Variants in POLQ observed in about 807,000 individuals in gnomAD.
The protein encoded by POLQ is DNA polymerase theta, also known as epididymis secretory sperm binding protein.
A neutral mutation model predicts 259.2 loss-of-function variants in POLQ; 233 were observed. The observed-to-expected ratio is 0.90, with a 90% confidence interval of 0.81 to 1.00. The LOEUF (loss-of-function observed/expected upper bound fraction) is 1.00, where lower values mean the gene tolerates loss of function less well. POLQ is among the 50% of genes least tolerant of loss of function. POLQ has a pLI of 0.00. For synonymous variants in POLQ, 1,025 were observed against 1,048.8 expected (o/e 0.98, Z 0.44); for missense variants, 2,871 against 3,051.6 (o/e 0.94, Z 1.39).
chr3:121,494,959 TTTTC>T, intron 14 of POLQ: 1 of 816,638 alleles, frequency 1.2e-6, no homozygotes, highest in Non-Finnish European at 1.8e-6. Context: ...ATAATACAAA[TTTTC>T]AAAAAAAAAA....
At chr3:121,507,136 G>A (rs2048214526) in intron 12 of POLQ, among the ~76,000 whole-genome samples, 1 of 152,150 alleles carries the variant, frequency 6.6e-6, no homozygotes, top group Admixed American at 6.5e-5. Flanking sequence ...GAAAAGGCAT[G>A]GAAGGGATGG....
chr3:121,495,203 G>A (rs1192735427), intron 14 of POLQ, among the ~76,000 whole-genome samples: 3 of 151,988 alleles, frequency 2.0e-5, no homozygotes, highest in Non-Finnish European at 4.4e-5. Flanking sequence ...CTTGGGAGGC[G>A]GGGGTTGTGG....
chr3:121,526,891 G>GTGCA (rs59179982), intron 7 of POLQ, among the ~76,000 whole-genome samples: 5 of 118,302 alleles, frequency 4.2e-5, no homozygotes, highest in Non-Finnish European at 6.0e-5. Context: ...GTGTGTGTGT[G>GTGCA]CGCGCGCGCA....
rs34676502 is a variant in POLQ, at chr3:121,518,759, GT to G, written c.1468+1111del. Among the ~76,000 whole-genome samples the G allele has an allele frequency of 7.3e-4, 109 of 150,162 alleles. 1 individual carries two copies. The highest frequency in any genetic ancestry group is 2.4e-3 in the African/African-American group (97 of 40,946). ...AGCCACAGAACTGTTTGCCTGTTTT[GT>G]TTTTTTTTGACATATCTAATAAAAT... On this transcript the variant is annotated intron_variant, in intron 9 of 29. Coordinates refer to ENST00000264233, the MANE Select transcript of POLQ (RefSeq NM_199420.4).
chr3:121,522,547 A>G (rs1020083259), intron 7 of POLQ, among the ~76,000 whole-genome samples: 1 of 149,968 alleles, frequency 6.7e-6, no homozygotes, highest in African/African-American at 2.5e-5. Flanking sequence ...TCCTGACCTC[A>G]TGATCCACCC....
Position 121,472,078 on chromosome 3 carries a change from C to A in POLQ, c.6630G>T (p.Val2210=). 6.3e-7 allele frequency: 1 copy of A among 1,579,442 alleles called. No individual in the cohort carries two copies. The highest frequency in any genetic ancestry group is 8.7e-7 in the Non-Finnish European group (1 of 1,152,558). The change falls in exon 22 of 30, where the codon GTG becomes GTT. Residue 2210 remains valine, a synonymous_variant. Coordinates refer to ENST00000264233, the MANE Select transcript of POLQ (RefSeq NM_199420.4). ...ACTTTTCCCGCTGAAGGGGAAAGACCACTTTGGTAATAGCATTAGTGATTC... is the reference window on the plus strand; with the variant it reads ...ACTTTTCCCGCTGAAGGGGAAAGACAACTTTGGTAATAGCATTAGTGATTC... ...WRRITNAITK[V]VFPLQREKCL...
intron 19 of POLQ, among the ~76,000 whole-genome samples, chr3:121,478,884 T>C (rs1222904597): frequency 6.6e-6 from 1 of 152,154 alleles, no homozygotes; most frequent in Non-Finnish European, 1.5e-5. Flanking sequence ...TTAAAATTGA[T>C]TGAATTACAG....
chr3:121,456,686 G>A (rs2047741714), intron 25 of POLQ, among the ~76,000 whole-genome samples: 1 of 151,656 alleles, frequency 6.6e-6, no homozygotes, highest in Non-Finnish European at 1.5e-5. Flanking sequence ...GGGATGTGAA[G>A]GACCTCTTCA....
At chr3:121,511,830 C>T (rs2048257790) in intron 10 of POLQ, 57 bp downstream of exon 10, 4 of 1,302,784 alleles carry the variant, frequency 3.1e-6, no homozygotes, top group Non-Finnish European at 3.2e-6. Context: ...CATATACTAA[C>T]ATTTTACTAA....
chr3:121,505,463 C>T (rs989552852), intron 12 of POLQ, among the ~76,000 whole-genome samples: 1 of 152,106 alleles, frequency 6.6e-6, no homozygotes, highest in Non-Finnish European at 1.5e-5. Flanking sequence ...AAAACAGAGG[C>T]ACTGGCACAA....
At chr3:121,454,826 G>A (rs1056827232) in intron 25 of POLQ, among the ~76,000 whole-genome samples, 1 of 152,064 alleles carries the variant, frequency 6.6e-6, no homozygotes, top group African/African-American at 2.4e-5. Context: ...AGATCAACGA[G>A]ACAGAAAGTT....
chr3:121,467,030 T>A (rs2108787418), intron 24 of POLQ, among the ~76,000 whole-genome samples: 1 of 151,678 alleles, frequency 6.6e-6, no homozygotes, highest in South Asian at 2.1e-4. Flanking sequence ...TGAGGAGGGG[T>A]CAGGCAGAAT....
chr3:121,493,358 A>G, intron 15 of POLQ, 120 bp downstream of exon 15: 1 of 744,182 alleles, frequency 1.3e-6, no homozygotes, highest in Non-Finnish European at 2.0e-6. Flanking sequence ...TCTTCCACTT[A>G]CACCAAGTAT....
Position 121,522,143 on chromosome 3 carries a change from A to T in POLQ, c.1115T>A (p.Val372Glu). The change falls in exon 8 of 30, where the codon GTG becomes GAG. Residue 372 changes from valine (V) to glutamate (E), a missense_variant. Val to Glu is a moderately radical substitution (Grantham distance 121, BLOSUM62 -2). This residue lies in a region of POLQ where 783 missense variants were observed against 906.2 expected (regional missense o/e 0.86). Coordinates refer to ENST00000264233, the MANE Select transcript of POLQ (RefSeq NM_199420.4). ...TACTGGTGGGCATTCAGAGGGTTTC[A>T]CCAATCCTGTCACAAAAAAATTATC... ...YNLHHQAEGL[V>E]KPSECPPVIL... is the part of the protein sequence containing the mutation. 6.3e-7 allele frequency: 1 copy of T among 1,595,490 alleles called. No individual in the cohort carries two copies.
In POLQ at chr3:121,510,097, C is replaced by G; in HGVS notation, c.1758G>C (p.Val586=). 1 of 1,614,114 alleles carries G rather than the reference C, an allele frequency of 6.2e-7. No individual in the cohort carries two copies. Among genetic ancestry groups the G allele is most frequent in the African/African-American group, 1.3e-5 (1 of 75,044 alleles). Reference sequence around the variant, plus strand: ...TGAATTCATTTTCTAGTAGCCACATCACACAGGCCTCAATCGCTCCAAGCT... The same window carrying G: ...TGAATTCATTTTCTAGTAGCCACATGACACAGGCCTCAATCGCTCCAAGCT... ...SVQLGAIEAC[V]MWLLENEFIQ... Residue 586 remains valine (V), a synonymous_variant, in exon 11 of 30, where the codon GTG becomes GTC. Transcript: ENST00000264233.
At chr3:121,514,063 T>TCATGC (rs898686438) in intron 9 of POLQ, among the ~76,000 whole-genome samples, 2 of 129,524 alleles carry the variant, frequency 1.5e-5, no homozygotes, top group African/African-American at 5.9e-5. Flanking sequence ...GCATGGTGGC[T>TCATGC]CATGCCTGTA....
At position 121,537,146 on chromosome 3, in the gene POLQ, G is replaced by T. The variant is rs141125457; in HGVS notation, c.694C>A (p.Leu232Ile). 921 of 1,606,074 alleles carry T rather than the reference G, an allele frequency of 5.7e-4. 8 individuals are homozygous for T. In the African/African-American group the frequency reaches 0.011, roughly 19 times the overall value. ...GDSHRGYLLE[L>I]LLTKICYITR... ...ATATAGCAAATCTTGGTCAGCAAAAGTTCCAGCAGATACCCTCGGTGAGAG... is the reference window on the plus strand; with the variant it reads ...ATATAGCAAATCTTGGTCAGCAAAATTTCCAGCAGATACCCTCGGTGAGAG... Residue 232 changes from leucine (L) to isoleucine (I), a missense_variant, in exon 5 of 30, where the codon CTT (leucine) becomes ATT (isoleucine). Leu to Ile is a conservative substitution (Grantham distance 5). Transcript: ENST00000264233.
chr3:121,512,139 G>C, intron 9 of POLQ, 110 bp from the exon 10 acceptor site: 1 of 874,172 alleles, frequency 1.1e-6, no homozygotes, highest in Non-Finnish European at 1.7e-6. Context: ...AGAGATGATA[G>C]TGGTTGTTAT....
At position 121,511,796 on chromosome 3, in the gene POLQ, A is replaced by C. The variant is rs990899989; in HGVS notation, c.1611+91T>G. On this transcript the variant is annotated intron_variant, in intron 10 of 29. Transcript: ENST00000264233. ...CTGTCTCAAAAATAAATTAAAAAAA[A>C]TAAATAAATAAAGCTAAGATTTTCA... 11 of 1,042,238 alleles carry C rather than the reference A, an allele frequency of 1.1e-5. No individual in the cohort carries two copies. The Admixed American group carries it at 1.4e-4, about 14-fold the overall frequency. The allele number at this position is 1,042,238 out of a possible 1,614,324, so 64.6% of individuals were successfully genotyped here.
Sources: allele counts gnomAD v4.1 joint callset (sites outside exome capture counted in the v4.1 genomes callset), GRCh38; gene constraint gnomAD v4.1.1; regional missense constraint gnomAD v4.1.1; transcripts MANE v1.5; gene names NCBI Gene and HGNC (gene_info 2026-07-23, HGNC 2026-07-21).